Variants in GALNT13 observed in about 807,000 individuals in gnomAD.
GALNT13 encodes the protein polypeptide N-acetylgalactosaminyltransferase 13, also known as UDP-GalNAc:polypeptide N-acetylgalactosaminyltransferase 13.
Under a neutral mutation model 64.2 loss-of-function variants are expected in GALNT13, and 28 were observed. The observed-to-expected ratio is 0.44, with a 90% CI of 0.32 to 0.60. GALNT13 has a LOEUF of 0.60. Ranked by LOEUF, GALNT13 falls within the 20% of genes least tolerant of loss-of-function variation. GALNT13 has a pLI of 0.05. For missense variants in GALNT13, 577 were observed against 669.8 expected (o/e 0.86, Z 1.53); for synonymous variants, 214 against 224.6 (o/e 0.95, Z 0.42).
At chr2:153,702,389 G>A in the GALNT13 span, among the ~76,000 whole-genome samples, 5 of 152,132 alleles carry the variant, frequency 3.3e-5, no homozygotes, top group South Asian at 1.0e-3. Context: ...GGGTTAATAG[G>A]TGCAGCAAAC....
At chr2:153,637,854 A>G in the GALNT13 span, among the ~76,000 whole-genome samples, 4 of 152,254 alleles carry the variant, frequency 2.6e-5, no homozygotes, top group East Asian at 7.7e-4. Flanking sequence ...TGATTCCGTC[A>G]TTCAATACGA....
chr2:153,497,796 C>T, the GALNT13 span, among the ~76,000 whole-genome samples: 211 of 152,192 alleles, frequency 1.4e-3, 1 homozygote, highest in East Asian at 0.012. Context: ...CCTCGGCCTC[C>T]CAAAGTGCTG....
chr2:153,719,754 G>A, the GALNT13 span, among the ~76,000 whole-genome samples: 1,826 of 151,708 alleles, frequency 0.012, 45 homozygotes, highest in African/African-American at 0.042. Context: ...TTTTCAGACC[G>A]GCTTAAAAAA....
chr2:153,575,463 G>C, the GALNT13 span, among the ~76,000 whole-genome samples: 1 of 152,168 alleles, frequency 6.6e-6, no homozygotes, highest in African/African-American at 2.4e-5. Context: ...AAGGTGGTGA[G>C]TACCCCAAGG....
At chr2:153,935,227 C>T (rs141316475) in intron 2 of GALNT13, among the ~76,000 whole-genome samples, 1 of 152,248 alleles carries the variant, frequency 6.6e-6, no homozygotes, top group Admixed American at 6.5e-5. Context: ...AGTGTATTAT[C>T]CAGCACAACT....
intron 3 of GALNT13, among the ~76,000 whole-genome samples, chr2:153,954,162 A>G (rs1692402294): frequency 6.6e-6 from 1 of 152,210 alleles, no homozygotes; most frequent in Non-Finnish European, 1.5e-5. Context: ...TAAAGAATTA[A>G]AGCAATAAAT....
At chr2:153,549,648 A>C in the GALNT13 span, among the ~76,000 whole-genome samples, 5 of 152,186 alleles carry the variant, frequency 3.3e-5, no homozygotes, top group Admixed American at 3.3e-4. Context: ...GCCAAATACA[A>C]GAATGGGCTT....
At chr2:153,880,236 GA>G (rs1165053500) in intron 1 of GALNT13, among the ~76,000 whole-genome samples, 1 of 151,988 alleles carries the variant, frequency 6.6e-6, no homozygotes, top group Non-Finnish European at 1.5e-5. Flanking sequence ...GTATAAGATG[GA>G]ATATTTGTAA....
At chr2:153,571,107 T>G in the GALNT13 span, among the ~76,000 whole-genome samples, 3 of 152,074 alleles carry the variant, frequency 2.0e-5, no homozygotes, top group Non-Finnish European at 1.5e-5. Flanking sequence ...TATTATTCCA[T>G]TTTTTGGTGT....
the GALNT13 span, among the ~76,000 whole-genome samples, chr2:153,502,668 G>A: frequency 6.6e-6 from 1 of 152,184 alleles, no homozygotes; most frequent in Non-Finnish European, 1.5e-5. Context: ...TCTCCACACT[G>A]TTTTCCATAG....
intron 1 of GALNT13, among the ~76,000 whole-genome samples, 193 bp from the exon 2 acceptor site, chr2:153,900,743 G>T (rs563867277): frequency 1.3e-5 from 2 of 151,894 alleles, no homozygotes; most frequent in Admixed American, 1.3e-4. Flanking sequence ...CTGATGTTTT[G>T]GAATATTTGC....
At chr2:153,854,035 G>A in the GALNT13 span, among the ~76,000 whole-genome samples, 1 of 151,626 alleles carries the variant, frequency 6.6e-6, no homozygotes, top group South Asian at 2.1e-4. Flanking sequence ...CCTTAAATCT[G>A]TGAAGTCCAT....
chr2:153,783,548 C>A, the GALNT13 span, among the ~76,000 whole-genome samples: 1 of 152,112 alleles, frequency 6.6e-6, no homozygotes, highest in Non-Finnish European at 1.5e-5. Flanking sequence ...TTAATCTCAA[C>A]CTGGACTTCA....
intron 3 of GALNT13, among the ~76,000 whole-genome samples, chr2:153,997,431 G>C (rs1017461542): frequency 6.6e-6 from 1 of 150,580 alleles, no homozygotes; most frequent in Non-Finnish European, 1.5e-5. Flanking sequence ...GATATTTTTG[G>C]CTATTATAAA....
chr2:154,217,915 G>T (rs960614753), intron 4 of GALNT13, among the ~76,000 whole-genome samples: 1 of 152,022 alleles, frequency 6.6e-6, no homozygotes, highest in Non-Finnish European at 1.5e-5. Context: ...GCAGTTGTCC[G>T]GAATGAGATC....
intron 7 of GALNT13, among the ~76,000 whole-genome samples, chr2:154,251,600 G>A (rs888709090): frequency 4.6e-5 from 7 of 152,120 alleles, no homozygotes; most frequent in African/African-American, 1.7e-4. Context: ...GCCTAAGCCA[G>A]CATAAAGTCT....
the GALNT13 span, among the ~76,000 whole-genome samples, chr2:153,253,859 A>T: frequency 6.6e-6 from 1 of 152,062 alleles, no homozygotes; most frequent in Non-Finnish European, 1.5e-5. Flanking sequence ...GTGCTGCTGG[A>T]TTCGGTTTGC....
the GALNT13 span, among the ~76,000 whole-genome samples, chr2:153,315,966 G>C: frequency 6.7e-6 from 1 of 148,466 alleles, no homozygotes; most frequent in African/African-American, 2.5e-5. Context: ...TAAGAAAAAA[G>C]AATCCAATTT....
chr2:153,407,772 C>T, the GALNT13 span, among the ~76,000 whole-genome samples: 29 of 152,250 alleles, frequency 1.9e-4, no homozygotes, highest in East Asian at 5.2e-3. Context: ...CACTTTGATT[C>T]TGTCTATCTC....
Sources: allele counts gnomAD v4.1 joint callset (sites outside exome capture counted in the v4.1 genomes callset), GRCh38; gene constraint gnomAD v4.1.1; transcripts MANE v1.5; gene names NCBI Gene and HGNC (gene_info 2026-07-23, HGNC 2026-07-21).